Variants in OPCML observed in about 807,000 individuals in gnomAD.
The protein encoded by OPCML is opioid-binding protein/cell adhesion molecule.
A neutral mutation model predicts 37.8 loss-of-function variants in OPCML; 13 were observed. That is an observed-to-expected ratio of 0.34 (90% confidence interval 0.22 to 0.55). OPCML has a LOEUF of 0.55. Among genes scored for constraint, OPCML ranks in the 20% least tolerant of loss-of-function variants. OPCML has a pLI of 0.91. For missense variants in OPCML, 341 were observed against 435.6 expected (o/e 0.78, Z 1.93); for synonymous variants, 176 against 168.8 (o/e 1.04, Z -0.33).
At chr11:132,650,212 C>G (rs1941357536) in intron 3 of OPCML, among the ~76,000 whole-genome samples, 1 of 152,140 alleles carries the variant, frequency 6.6e-6, no homozygotes, top group African/African-American at 2.4e-5. Context: ...TAGTAAGGGA[C>G]ACTAAATCCT....
intron 1 of OPCML, among the ~76,000 whole-genome samples, chr11:133,497,462 T>C (rs1947809854): frequency 6.6e-6 from 1 of 152,200 alleles, no homozygotes; most frequent in African/African-American, 2.4e-5. Flanking sequence ...TTCCTTTCTC[T>C]GGTCCCCCCC....
chr11:132,922,299 G>A lies in OPCML; in HGVS notation c.146+20627C>T, dbSNP rs553923637. 2.6e-5 allele frequency among the ~76,000 whole-genome samples: 4 copies of A among 152,018 alleles called. No homozygotes were observed. In the East Asian group the frequency reaches 7.7e-4, roughly 29 times the overall value. The stretch of plus-strand genomic sequence containing the variant: ...TTGATTGGATCAGGAGTAGACCCTC[G>A]ACCCAAGCTGAGACAATCTGATTTT... On this transcript the variant is annotated intron_variant, in intron 2 of 7. Coordinates refer to ENST00000524381, the MANE Select transcript of OPCML (RefSeq NM_001012393.5).
chr11:133,348,189 T>C (rs2136685546), intron 1 of OPCML, among the ~76,000 whole-genome samples: 1 of 152,308 alleles, frequency 6.6e-6, no homozygotes, highest in Non-Finnish European at 1.5e-5. Flanking sequence ...CAATGACCAT[T>C]CACTAAATGT....
At chr11:133,282,197 C>T (rs535724203) in intron 1 of OPCML, among the ~76,000 whole-genome samples, 74 of 152,272 alleles carry the variant, frequency 4.9e-4, no homozygotes, top group African/African-American at 1.2e-3. Context: ...GTCTTTGGAA[C>T]GGCCCTTCCC....
intron 2 of OPCML, among the ~76,000 whole-genome samples, chr11:132,760,687 T>C (rs941527918): frequency 1.4e-4 from 21 of 152,188 alleles, no homozygotes; most frequent in African/African-American, 5.1e-4. Flanking sequence ...TTTGAGCCTA[T>C]GTGTGTCTTT....
At chr11:132,750,358 A>T (rs1945789895) in intron 2 of OPCML, among the ~76,000 whole-genome samples, 1 of 152,210 alleles carries the variant, frequency 6.6e-6, no homozygotes. Flanking sequence ...ATAGAAAAAG[A>T]CAGCTGAGGA....
At chr11:133,500,893 G>A (rs1399172712) in intron 1 of OPCML, among the ~76,000 whole-genome samples, 1 of 152,118 alleles carries the variant, frequency 6.6e-6, no homozygotes, top group Non-Finnish European at 1.5e-5. Flanking sequence ...GTCTGAGTAG[G>A]GAGGAGAGAT....
intron 1 of OPCML, among the ~76,000 whole-genome samples, chr11:133,463,894 G>A (rs919898499): frequency 1.2e-3 from 179 of 152,292 alleles, no homozygotes; most frequent in African/African-American, 4.0e-3. Flanking sequence ...AAAGCGGGGT[G>A]ATGGTTGGCA....
At chr11:133,529,245 C>G (rs987976161) in intron 1 of OPCML, among the ~76,000 whole-genome samples, 2 of 152,220 alleles carry the variant, frequency 1.3e-5, no homozygotes, top group Non-Finnish European at 2.9e-5. Flanking sequence ...AGGACAGGGA[C>G]TCCACATTTT....
At chr11:132,644,494 G>GA (rs199831057) in intron 3 of OPCML, among the ~76,000 whole-genome samples, 7 of 148,868 alleles carry the variant, frequency 4.7e-5, no homozygotes, top group African/African-American at 1.7e-4. Context: ...AAATAAGAAA[G>GA]AAAAAAAATT....
At chr11:133,193,736 A>C (rs1938418353) in intron 1 of OPCML, among the ~76,000 whole-genome samples, 3 of 152,332 alleles carry the variant, frequency 2.0e-5, no homozygotes, top group Non-Finnish European at 4.4e-5. Flanking sequence ...TTCAGGAGGA[A>C]AAAATAAGAA....
At chr11:133,072,639 G>A (rs1948556033) in intron 1 of OPCML, among the ~76,000 whole-genome samples, 1 of 152,204 alleles carries the variant, frequency 6.6e-6, no homozygotes. Context: ...ACCAGTTAGA[G>A]AAGGAGAGTG....
At chr11:132,559,900 A>C (rs993122632) in intron 3 of OPCML, among the ~76,000 whole-genome samples, 11 of 152,196 alleles carry the variant, frequency 7.2e-5, no homozygotes, top group Admixed American at 3.3e-4. Flanking sequence ...GCCATTTAAG[A>C]GGCTTTGAAG....
At chr11:133,193,100 C>T (rs61910353) in intron 1 of OPCML, among the ~76,000 whole-genome samples, 21,522 of 152,030 alleles carry the variant, frequency 0.14, 1,568 homozygotes, top group Admixed American at 0.2. Context: ...AGTGGTCCTT[C>T]TGGTGGTGGC....
In OPCML at chr11:133,426,195, T is replaced by C. The variant is rs1482247438; in HGVS notation, c.61+106069A>G. Among the ~76,000 whole-genome samples the C allele has an allele frequency of 3.3e-5, 5 of 152,176 alleles. No individual in the cohort carries two copies. The East Asian group carries it at 9.6e-4, about 29-fold the overall frequency. On this transcript the variant is annotated intron_variant, in intron 1 of 7. Transcript: ENST00000524381. ...CTCTTGGACAGCTGAAATTATCTCCTAGTTGAGCACTCTGTTACACTCAGA... is the reference window on the plus strand; with the variant it reads ...CTCTTGGACAGCTGAAATTATCTCCCAGTTGAGCACTCTGTTACACTCAGA...
intron 1 of OPCML, among the ~76,000 whole-genome samples, chr11:133,502,046 C>A (rs1432538133): frequency 2.6e-5 from 4 of 152,062 alleles, no homozygotes; most frequent in African/African-American, 9.7e-5. Context: ...CATGGTTCAC[C>A]CTCCCACAGT....
intron 1 of OPCML, among the ~76,000 whole-genome samples, chr11:133,383,645 G>A (rs1944978677): frequency 6.6e-6 from 1 of 152,112 alleles, no homozygotes; most frequent in Admixed American, 6.5e-5. Flanking sequence ...TGAATAACGT[G>A]CGTCTTCAGA....
intron 4 of OPCML, among the ~76,000 whole-genome samples, chr11:132,460,410 T>C (rs1235438355): frequency 6.6e-6 from 1 of 152,196 alleles, no homozygotes; most frequent in African/African-American, 2.4e-5. Context: ...CTCACAGCAA[T>C]AAGAGTTTCA....
At chr11:132,737,095 G>A (rs1945284516) in intron 2 of OPCML, among the ~76,000 whole-genome samples, 2 of 152,194 alleles carry the variant, frequency 1.3e-5, no homozygotes, top group South Asian at 2.1e-4. Flanking sequence ...TTGTCTCCTG[G>A]TTAGTAATGT....
Sources: gnomAD v4.1 joint callset for allele counts (sites outside exome capture counted in the v4.1 genomes callset) on GRCh38, gnomAD v4.1.1 for gene constraint, MANE v1.5 for transcripts, NCBI Gene and HGNC (gene_info 2026-07-23, HGNC 2026-07-21) for gene names.